The following LACTB2 variants were observed in gnomAD, a reference collection of about 807,000 sequenced individuals.
LACTB2 encodes lactamase beta 2, also known as endoribonuclease LACTB2.
In LACTB2, 32 loss-of-function variants were observed where a neutral mutation model predicts 34.8. That is an observed-to-expected ratio of 0.92 (90% confidence interval 0.69 to 1.24). The LOEUF (loss-of-function observed/expected upper bound fraction) is 1.24, where lower values mean the gene tolerates loss of function less well. LACTB2 is among the 50% of genes most tolerant of loss of function. LACTB2 has a pLI of 0.00. For missense variants in LACTB2, 320 were observed against 345.0 expected, an observed-to-expected ratio of 0.93 and a Z score of 0.57; for synonymous variants, 120 against 117.5, an observed-to-expected ratio of 1.02 and a Z score of -0.14.
intron 3 of LACTB2, among the ~76,000 whole-genome samples, chr8:70,657,488 G>C (rs1818425420): frequency 6.8e-6 from 1 of 147,420 alleles, no homozygotes; most frequent in South Asian, 2.1e-4. Context: ...CTGGAATGCA[G>C]TGGTACAATC....
intron 5 of LACTB2, among the ~76,000 whole-genome samples, chr8:70,640,002 C>T (rs546938425): frequency 6.6e-6 from 1 of 152,262 alleles, no homozygotes; most frequent in African/African-American, 2.4e-5. Context: ...GCACTGTCAC[C>T]TAGGCTGGTG....
At chr8:70,645,343 T>C (rs1445327491) in intron 3 of LACTB2, among the ~76,000 whole-genome samples, 1 of 152,206 alleles carries the variant, frequency 6.6e-6, no homozygotes, top group Non-Finnish European at 1.5e-5. Flanking sequence ...GGCATCAGTA[T>C]ATACTTTTCA....
At chr8:70,664,969 T>C (rs1818520330) in intron 1 of LACTB2, among the ~76,000 whole-genome samples, 1 of 152,196 alleles carries the variant, frequency 6.6e-6, no homozygotes, top group East Asian at 1.9e-4. Context: ...CAGAAGGGGA[T>C]TGCTTAGGTT....
chr8:70,649,790 T>G (rs1476309196), intron 3 of LACTB2, among the ~76,000 whole-genome samples: 1 of 152,176 alleles, frequency 6.6e-6, no homozygotes, highest in Non-Finnish European at 1.5e-5. Flanking sequence ...CTTTCACCTG[T>G]TAGCTAATCA....
intron 2 of LACTB2, chr8:70,660,346 C>A (rs72667707): frequency 1.0e-5 from 3 of 297,396 alleles, no homozygotes; most frequent in Non-Finnish European, 2.0e-5. Flanking sequence ...AAGGAAAAGT[C>A]AGACTGACAG....
At chr8:70,643,806 C>T (rs1734663934) in intron 4 of LACTB2, among the ~76,000 whole-genome samples, 1 of 152,154 alleles carries the variant, frequency 6.6e-6, no homozygotes, top group Admixed American at 6.5e-5. Flanking sequence ...AGCCACTGAG[C>T]CTGGCCTTAT....
chr8:70,662,147 A>G (rs955679518), intron 1 of LACTB2: 3 of 303,722 alleles, frequency 9.9e-6, no homozygotes, highest in African/African-American at 6.5e-5. Flanking sequence ...TTACATAGCA[A>G]TTAAAATAAA....
intron 3 of LACTB2, among the ~76,000 whole-genome samples, chr8:70,650,735 C>CAAAAAAAAAA (rs61025700): frequency 9.5e-3 from 437 of 46,222 alleles, no homozygotes; most frequent in East Asian, 0.021. Context: ...GACTCCATCT[C>CAAAAAAAAAA]AAAAAAAAAA....
At chr8:70,659,520 CTAT>C (rs1818456504) in intron 2 of LACTB2, among the ~76,000 whole-genome samples, 1 of 152,128 alleles carries the variant, frequency 6.6e-6, no homozygotes, top group Non-Finnish European at 1.5e-5. Flanking sequence ...ACCCCAAACT[CTAT>C]TATTTTGTAT....
chr8:70,668,748 G>GTTTTTTTTTTTTTTTTTTTTT (rs990900411), intron 1 of LACTB2, among the ~76,000 whole-genome samples: 30 of 103,714 alleles, frequency 2.9e-4, no homozygotes, highest in South Asian at 4.8e-4. Context: ...CAAAACAGAA[G>GTTTTTTTTTTTTTTTTTTTTT]TTTTTTTTTT....
At position 70,669,050 on chromosome 8, in the gene LACTB2, C is replaced by T. The variant is rs775359440; in HGVS notation, c.71G>A (p.Gly24Asp). ...RVVRVLGCNP[G>D]PMTLQGTNTY... ...GTTGGTGCCTTGGAGGGTCATGGGA[C>T]CCGGGTTACAGCCCAACACACGCAC... Residue 24 changes from glycine to aspartate, a missense_variant, in exon 1 of 7, where the codon GGT (glycine) becomes GAT (aspartate). Coordinates refer to ENST00000276590, the MANE Select transcript of LACTB2 (RefSeq NM_016027.3). 5 of 1,611,358 alleles carry T rather than the reference C, an allele frequency of 3.1e-6. No homozygotes were observed. The highest frequency in any genetic ancestry group is 2.7e-5 in the African/African-American group (2 of 74,902).
At chr8:70,646,566 TAAGAAACTTAA>T (rs1818266626) in intron 3 of LACTB2, 1 of 151,864 alleles carries the variant, frequency 6.6e-6, no homozygotes, top group Non-Finnish European at 1.5e-5. Context: ...CTACCCTATA[TAAGAAACTTAA>T]CATGCATTTA....
At chr8:70,648,656 T>C (rs1818297368) in intron 3 of LACTB2, among the ~76,000 whole-genome samples, 1 of 151,950 alleles carries the variant, frequency 6.6e-6, no homozygotes, top group African/African-American at 2.4e-5. Flanking sequence ...ACAAAAGAGA[T>C]GAGAGAAAAT....
chr8:70,668,551 G>C (rs1230612008), intron 1 of LACTB2, among the ~76,000 whole-genome samples: 1 of 152,174 alleles, frequency 6.6e-6, no homozygotes, highest in Non-Finnish European at 1.5e-5. Context: ...CTCTGCTGCT[G>C]AGTTGAGGAA....
intron 3 of LACTB2, among the ~76,000 whole-genome samples, chr8:70,650,735 CAAAAAAAAAAAAAAA>C (rs61025700): frequency 8.7e-5 from 4 of 46,206 alleles, no homozygotes; most frequent in Non-Finnish European, 1.1e-4. Context: ...GACTCCATCT[CAAAAAAAAAAAAAAA>C]AAAAAAAAGA....
chr8:70,649,217 C>T (rs1818306403), intron 3 of LACTB2, among the ~76,000 whole-genome samples: 1 of 151,984 alleles, frequency 6.6e-6, no homozygotes, highest in Admixed American at 6.6e-5. Flanking sequence ...AAAGGAGATC[C>T]AACACTGGAG....
intron 4 of LACTB2, among the ~76,000 whole-genome samples, chr8:70,642,434 C>T (rs924241123): frequency 9.3e-5 from 14 of 151,342 alleles, no homozygotes; most frequent in Non-Finnish European, 1.6e-4. Flanking sequence ...GTTAGAAGAA[C>T]TTAGGAAGTT....
At chr8:70,657,428 A>AT (rs777806428) in intron 3 of LACTB2, among the ~76,000 whole-genome samples, 3,363 of 115,762 alleles carry the variant, frequency 0.029, 70 homozygotes, top group Middle Eastern at 0.064. Context: ...CAGATCTTCT[A>AT]TTTTTTTTTT....
At chr8:70,643,222 T>TCC (rs1818221943) in intron 4 of LACTB2, among the ~76,000 whole-genome samples, 1 of 99,230 alleles carries the variant, frequency 1.0e-5, no homozygotes, top group Non-Finnish European at 2.0e-5. Flanking sequence ...TTTTTTTTTT[T>TCC]TTTTTTTTTT....
Sources: gnomAD v4.1 joint callset for allele counts (sites outside exome capture counted in the v4.1 genomes callset) on GRCh38, gnomAD v4.1.1 for gene constraint, MANE v1.5 for transcripts, NCBI Gene and HGNC (gene_info 2026-07-23, HGNC 2026-07-21) for gene names.